Variants in ADORA2B observed in about 807,000 individuals in gnomAD.
ADORA2B encodes adenosine receptor A2b.
In ADORA2B, 18 loss-of-function variants were observed where a neutral mutation model predicts 20.8. The ratio of observed to expected loss-of-function variants is 0.87; its 90% CI spans 0.60 to 1.29. The LOEUF is 1.29. Ranked by LOEUF, ADORA2B falls within the 50% of genes most tolerant of loss-of-function variation. ADORA2B has a pLI of 0.00. For missense variants in ADORA2B, 441 were observed against 422.7 expected (o/e 1.04, Z -0.38); for synonymous variants, 179 against 178.3 (o/e 1.00, Z -0.03).
intron 1 of ADORA2B, among the ~76,000 whole-genome samples, chr17:15,951,352 C>T (rs925794147): frequency 1.3e-5 from 2 of 152,202 alleles, no homozygotes; most frequent in African/African-American, 4.8e-5. Context: ...ACACGCGGGA[C>T]GTGGCCCATG....
Position 15,975,402 on chromosome 17 carries a change from G to A in ADORA2B, c.*60G>A. The A allele has an allele frequency of 6.5e-7, 1 of 1,536,708 alleles. No individual in the cohort carries two copies. Among genetic ancestry groups the A allele is most frequent in the South Asian group, 1.2e-5 (1 of 81,982 alleles). On this transcript the variant is annotated 3_prime_UTR_variant, in exon 2 of 2. Transcript: ENST00000304222. The stretch of plus-strand genomic sequence containing the variant: ...ATCCACAAGAAACAAAGAGGACACG[G>A]CTGGTTTTCATTGTGAAAGATAGCT...
the ADORA2B span, among the ~76,000 whole-genome samples, chr17:15,866,647 T>G: frequency 6.7e-6 from 1 of 149,240 alleles, no homozygotes; most frequent in Non-Finnish European, 1.5e-5. Flanking sequence ...GGCAAATACC[T>G]TCTTCCAGTG....
the ADORA2B span, among the ~76,000 whole-genome samples, chr17:15,873,700 G>C: frequency 6.6e-6 from 1 of 152,070 alleles, no homozygotes. Flanking sequence ...GAGAGACCAC[G>C]TTACTCCTGC....
At chr17:15,879,059 T>G in the ADORA2B span, among the ~76,000 whole-genome samples, 2 of 152,260 alleles carry the variant, frequency 1.3e-5, no homozygotes, top group African/African-American at 2.4e-5. Flanking sequence ...GGTTGCTTGC[T>G]TTAAGTATAA....
At chr17:15,945,050 G>A, upstream of ADORA2B, 1 of 357,018 alleles carries the variant, frequency 2.8e-6, no homozygotes. Flanking sequence ...GCGGGCGCGC[G>A]GGCCAATGGG....
the ADORA2B span, among the ~76,000 whole-genome samples, chr17:15,902,633 C>G: frequency 6.6e-6 from 1 of 152,202 alleles, no homozygotes; most frequent in South Asian, 2.1e-4. Context: ...TTTTTCTCTT[C>G]CATCTGATTT....
the ADORA2B span, among the ~76,000 whole-genome samples, chr17:15,884,740 G>A: frequency 6.6e-6 from 1 of 152,202 alleles, no homozygotes; most frequent in Non-Finnish European, 1.5e-5. Context: ...TCTCTGCAAA[G>A]GATGTGATCT....
intron 1 of ADORA2B, among the ~76,000 whole-genome samples, chr17:15,949,346 C>A (rs1969863120): frequency 6.6e-6 from 1 of 151,632 alleles, no homozygotes; most frequent in African/African-American, 2.4e-5. Flanking sequence ...AATCCCGTCT[C>A]TACTAAAAAT....
At chr17:15,923,512 C>T in the ADORA2B span, among the ~76,000 whole-genome samples, 5 of 151,830 alleles carry the variant, frequency 3.3e-5, no homozygotes, top group African/African-American at 1.2e-4. Context: ...TCACACTATT[C>T]TCCTGCCTCA....
intron 1 of ADORA2B, among the ~76,000 whole-genome samples, chr17:15,962,917 T>C (rs998647394): frequency 2.6e-5 from 4 of 152,222 alleles, no homozygotes; most frequent in African/African-American, 9.6e-5. Flanking sequence ...CACTTTCTTA[T>C]ATTTTGGCAT....
At chr17:15,928,783 G>T in the ADORA2B span, among the ~76,000 whole-genome samples, 1 of 152,124 alleles carries the variant, frequency 6.6e-6, no homozygotes, top group Non-Finnish European at 1.5e-5. Context: ...TGTTGAAGCT[G>T]CCAGAAATGA....
the ADORA2B span, among the ~76,000 whole-genome samples, chr17:15,920,625 G>T: frequency 2.0e-5 from 3 of 152,000 alleles, no homozygotes; most frequent in East Asian, 5.8e-4. Context: ...GGAGGCTGAG[G>T]CAGGAGAATC....
rs1250774268 is a variant in ADORA2B, at chr17:15,948,524, C to T, written c.335+2941C>T. ...CCAAAGCTGCTCCCAGCTCTCACTT[C>T]ACCCTCAGGCAGGAGCACTTCCTCC... On this transcript the variant is annotated intron_variant, in intron 1 of 1. Coordinates refer to ENST00000304222, the MANE Select transcript of ADORA2B (RefSeq NM_000676.4). Among the ~76,000 whole-genome samples, 3 of 152,070 alleles carry T rather than the reference C, an allele frequency of 2.0e-5. No homozygotes were observed. In the East Asian group the frequency reaches 5.8e-4, roughly 30 times the overall value.
the ADORA2B span, among the ~76,000 whole-genome samples, chr17:15,886,621 C>T: frequency 7.6e-5 from 10 of 130,740 alleles, 4 homozygotes; most frequent in African/African-American, 3.2e-4. Context: ...CTGTGCATAG[C>T]TGTGACCTTT....
At chr17:15,920,964 A>G in the ADORA2B span, among the ~76,000 whole-genome samples, 1 of 152,176 alleles carries the variant, frequency 6.6e-6, no homozygotes, top group African/African-American at 2.4e-5. Context: ...TCTTCTATAA[A>G]AATTCTCTCG....
At chr17:15,968,220 A>T (rs1029766060) in intron 1 of ADORA2B, among the ~76,000 whole-genome samples, 12 of 152,196 alleles carry the variant, frequency 7.9e-5, no homozygotes, top group South Asian at 2.1e-4. Flanking sequence ...GGTTTGAACT[A>T]TGCAGGTCCA....
chr17:15,957,880 A>G (rs949818096), intron 1 of ADORA2B, among the ~76,000 whole-genome samples: 2 of 151,204 alleles, frequency 1.3e-5, no homozygotes, highest in African/African-American at 4.9e-5. Context: ...TCTGTCTATG[A>G]CATCCTGATT....
chr17:15,909,121 G>A, the ADORA2B span, among the ~76,000 whole-genome samples: 1 of 151,990 alleles, frequency 6.6e-6, no homozygotes, highest in East Asian at 1.9e-4. Context: ...TCCGGGAGTT[G>A]GAGGCACGGT....
At chr17:15,853,275 C>G in the ADORA2B span, among the ~76,000 whole-genome samples, 2 of 151,930 alleles carry the variant, frequency 1.3e-5, no homozygotes, top group African/African-American at 4.8e-5. Flanking sequence ...AAATACCCTT[C>G]AAAGGTGAAC....
Sources: allele counts gnomAD v4.1 joint callset (sites outside exome capture counted in the v4.1 genomes callset), GRCh38; gene constraint gnomAD v4.1.1; transcripts MANE v1.5; gene names NCBI Gene and HGNC (gene_info 2026-07-23, HGNC 2026-07-21).